The following ICAM3 variants were observed in gnomAD, a reference collection of about 807,000 sequenced individuals.
ICAM3 encodes the protein intercellular adhesion molecule 3.
ICAM3 carries 54 observed loss-of-function variants against 43.6 expected under a neutral mutation model. The ratio of observed to expected loss-of-function variants is 1.24; its 90% CI spans 0.99 to 1.55. ICAM3 has a LOEUF of 1.55. Among genes scored for constraint, ICAM3 ranks in the 40% most tolerant of loss-of-function variants. The probability of loss-of-function intolerance (pLI) is 0.00; values close to 1 mark genes in which losing one functional copy is unlikely to be tolerated. For missense variants in ICAM3, 715 were observed against 717.9 expected (o/e 1.00, Z 0.05); for synonymous variants, 306 against 312.6 (o/e 0.98, Z 0.22).
chr19:10,335,448 C>T lies in ICAM3; in HGVS notation c.650-95G>A. ...AGTCAGGATATCTTGCTGACTGGGT[C>T]ACCCTTCTTCACAGGACACACACAC... On this transcript the variant is annotated intron_variant, in intron 3 of 6. Transcript: ENST00000160262. The T allele has an allele frequency of 4.1e-6, 5 of 1,233,832 alleles. No homozygotes were observed. In the South Asian group the frequency reaches 4.4e-5, roughly 11 times the overall value. The allele number at this position is 1,233,832 out of a possible 1,614,324, so 76.4% of individuals were successfully genotyped here.
chr19:10,335,468 A>G, intron 3 of ICAM3, 115 bp from the exon 4 acceptor site: 1 of 1,152,470 alleles, frequency 8.7e-7, no homozygotes, highest in Non-Finnish European at 1.2e-6. Context: ...CACAGGACAC[A>G]CACACAGGGC....
Position 10,334,118 on chromosome 19 carries a change from C to A in ICAM3, c.1441+42G>T. 6.2e-7 allele frequency: 1 copy of A among 1,607,764 alleles called. No homozygotes were observed. The highest frequency in any genetic ancestry group is 1.1e-5 in the South Asian group (1 of 90,914). On this transcript the variant is annotated intron_variant, in intron 6 of 6. Coordinates refer to ENST00000160262, the MANE Select transcript of ICAM3 (RefSeq NM_002162.5). The surrounding 1 kb of genome is among the most constrained non-coding windows in gnomAD (Gnocchi z 5.5). ...CCTTCTGTCTCCAACCCCCCCGCCC[C>A]CCGGCTTACCGGTCCAGACCCGCAG...
chr19:10,338,606 C>T, intron 2 of ICAM3, 76 bp downstream of exon 2: 2 of 1,415,744 alleles, frequency 1.4e-6, no homozygotes, highest in South Asian at 2.4e-5. Context: ...CTGAGGGTCC[C>T]CACTCTCCTG....
chr19:10,339,510 C>A, intron 1 of ICAM3, 29 bp downstream of exon 1: 2 of 1,607,884 alleles, frequency 1.2e-6, no homozygotes, highest in Non-Finnish European at 1.7e-6. Flanking sequence ...GCAGCCCTCT[C>A]CAGCCCTCCC....
At position 10,334,022 on chromosome 19, in the gene ICAM3, C is replaced by CA; in HGVS notation, c.1478dup (p.Leu494ValfsTer29). On this transcript the variant is annotated frameshift_variant, in exon 7 of 7. Coordinates refer to ENST00000160262, the MANE Select transcript of ICAM3 (RefSeq NM_002162.5). LOFTEE classifies it low-confidence loss of function (END_TRUNC). The surrounding 1 kb of genome is among the most constrained non-coding windows in gnomAD (Gnocchi z 5.5). ...TAGTCACCACGCCCAGGGTCAGTAA[C>CA]ACCGCCACGAAGACGGGGACAAAGT... The CA allele has an allele frequency of 4.3e-6, 7 of 1,614,116 alleles. No homozygotes were observed. The highest frequency in any genetic ancestry group is 5.1e-6 in the Non-Finnish European group (6 of 1,180,018).
rs1273537083 is a variant in ICAM3 at position 10,333,908 on chromosome 19, C to T, written c.1593G>A (p.Thr531=). The stretch of plus-strand genomic sequence containing the variant: ...CCATTGCTTCTGTCGGCTGCATAGA[C>T]GTGAGGGGCAGATAGGTGCTCTCCT... ...VREESTYLPL[T]SMQPTEAMGE... is the part of the protein sequence containing the mutation. Residue 531 remains threonine (T), a synonymous_variant, in exon 7 of 7, where the codon ACG becomes ACA. Coordinates refer to ENST00000160262, the MANE Select transcript of ICAM3 (RefSeq NM_002162.5). This position sits in a 1 kb window ranked among gnomAD's most constrained non-coding sequence, Gnocchi z 4.2. 6.2e-7 allele frequency: 1 copy of T among 1,614,032 alleles called. No homozygotes were observed.
rs759049839 is a variant in ICAM3, at chr19:10,335,250, C to T, written c.753G>A (p.Glu251=). The T allele has an allele frequency of 3.1e-6, 5 of 1,613,764 alleles. No homozygotes were observed. In the South Asian group the frequency reaches 4.4e-5, roughly 14 times the overall value. Residue 251 remains glutamate, a synonymous_variant, in exon 4 of 7, where the codon GAG becomes GAA. Coordinates refer to ENST00000160262, the MANE Select transcript of ICAM3 (RefSeq NM_002162.5). ...CCCCCAGCGCCAGGTAGACCTGGGC[C>T]TCTGAGGCTGGAAAAAGCCCGTCTA... ...CTLDGLFPAS[E]AQVYLALGDQ... is the part of the protein sequence containing the mutation.
intron 2 of ICAM3, among the ~76,000 whole-genome samples, chr19:10,338,092 C>T (rs1157332042): frequency 7.2e-6 from 1 of 139,432 alleles, no homozygotes; most frequent in Non-Finnish European, 1.6e-5. Context: ...GTAAGAGACG[C>T]CATCTCAAAA....
intron 2 of ICAM3, 142 bp from the exon 3 acceptor site, chr19:10,336,118 G>A (rs1177206726): frequency 2.8e-6 from 2 of 714,670 alleles, no homozygotes; most frequent in Non-Finnish European, 2.3e-6. Flanking sequence ...AGCTGGGCCA[G>A]TCGAAGCGTT....
chr19:10,334,611 C>A lies in ICAM3; in HGVS notation c.1109G>T (p.Gly370Val). 6.2e-7 allele frequency: 1 copy of A among 1,613,750 alleles called. No individual in the cohort carries two copies. Among genetic ancestry groups the A allele is most frequent in the Non-Finnish European group, 8.5e-7 (1 of 1,180,026 alleles). The change falls in exon 5 of 7, where the codon GGA becomes GTA. Residue 370 changes from glycine (G) to valine (V), a missense_variant. By Grantham distance (109) the Gly-to-Val change is moderately radical. Transcript: ENST00000160262. This position sits in a 1 kb window ranked among gnomAD's most constrained non-coding sequence, Gnocchi z 5.5. ...AGTGGCACTGCAGAAGAAGCTGCGT[C>A]CGTCGTCACTCTCGGTAGCATTTAG... ...LQLNATESDD[G>V]RSFFCSATLE... is the part of the protein sequence containing the mutation.
At chr19:10,335,527 G>A in intron 3 of ICAM3, 144 bp downstream of exon 3, 1 of 1,124,344 alleles carries the variant, frequency 8.9e-7, no homozygotes, top group Non-Finnish European at 1.2e-6. Context: ...CCTCCCTTCC[G>A]GGGCCACCTT....
Position 10,335,159 on chromosome 19 carries a change from C to A in ICAM3, c.844G>T (p.Ala282Ser). Residue 282 changes from alanine to serine, a missense_variant, in exon 4 of 7, where the codon GCG becomes TCG. Coordinates refer to ENST00000160262, the MANE Select transcript of ICAM3 (RefSeq NM_002162.5). ...DTLTATATAT[A>S]RADQEGAREI... ...CGGGCACCCTCCTGATCCGCGCGCG[C>A]CGTGGCTGTGGCTGTGGCCGTTAGC... 6.2e-7 allele frequency: 1 copy of A among 1,613,766 alleles called. No homozygotes were observed. Among genetic ancestry groups the A allele is most frequent in the South Asian group, 1.1e-5 (1 of 91,090 alleles).
chr19:10,336,598 G>T (rs2040600365), intron 2 of ICAM3, among the ~76,000 whole-genome samples: 1 of 152,008 alleles, frequency 6.6e-6, no homozygotes, highest in African/African-American at 2.4e-5. Flanking sequence ...CTGAGACCAG[G>T]AGTTCAAGAC....
chr19:10,336,479 A>G (rs957971383), intron 2 of ICAM3, among the ~76,000 whole-genome samples: 6 of 152,102 alleles, frequency 3.9e-5, no homozygotes, highest in African/African-American at 1.2e-4. Flanking sequence ...TGACACTCCC[A>G]GGCTGGGTGC....
In ICAM3 at chr19:10,334,970, G is replaced by A; in HGVS notation, c.937+96C>T. 1 of 1,514,212 alleles carries A rather than the reference G, an allele frequency of 6.6e-7. No individual in the cohort carries two copies. Among genetic ancestry groups the A allele is most frequent in the Non-Finnish European group, 8.9e-7 (1 of 1,121,842 alleles). The allele number at this position is 1,514,212 out of a possible 1,614,324, so 93.8% of individuals were successfully genotyped here. On this transcript the variant is annotated intron_variant, in intron 4 of 6. Coordinates refer to ENST00000160262, the MANE Select transcript of ICAM3 (RefSeq NM_002162.5). This position sits in a 1 kb window ranked among gnomAD's most constrained non-coding sequence, Gnocchi z 5.5. ...CCAACCCACGTTGCAACTGCTATTG[G>A]GGCAAGCCAGGCCCCACCTTTTCGG...
At position 10,338,891 on chromosome 19, in the gene ICAM3, G is replaced by A. The variant is rs2040626145; in HGVS notation, c.134C>T (p.Ala45Val). The change falls in exon 2 of 7, where the codon GCT (alanine) becomes GTT (valine). Residue 45 changes from alanine to valine, a missense_variant. By Grantham distance (64) the Ala-to-Val change is moderately conservative (BLOSUM62 0). Transcript: ENST00000160262. ...RVEPQNPVLS[A>V]GGSLFVNCST... ...GCAGTTCACAAACAGGGACCCTCCA[G>A]CAGAGAGCACAGGGTTCTGGGGCTC... The A allele has an allele frequency of 1.2e-6, 2 of 1,614,000 alleles. No homozygotes were observed. The highest frequency in any genetic ancestry group is 1.7e-5 in the Admixed American group (1 of 59,988).
rs1599310141 is a variant in ICAM3, at chr19:10,334,612, C to T, written c.1108G>A (p.Gly370Arg). Residue 370 changes from glycine (G) to arginine (R), a missense_variant, in exon 5 of 7, where the codon GGA becomes AGA. Physicochemically the swap from Gly to Arg is moderately radical, Grantham distance 125. Transcript: ENST00000160262. This position sits in a 1 kb window ranked among gnomAD's most constrained non-coding sequence, Gnocchi z 5.5. ...GTGGCACTGCAGAAGAAGCTGCGTC[C>T]GTCGTCACTCTCGGTAGCATTTAGC... ...LQLNATESDD[G>R]RSFFCSATLE... 6 of 1,613,720 alleles carry T rather than the reference C, an allele frequency of 3.7e-6. No individual in the cohort carries two copies. The highest frequency in any genetic ancestry group is 1.7e-4 in the Middle Eastern group (1 of 6,060).
intron 1 of ICAM3, 124 bp downstream of exon 1, chr19:10,339,415 T>C: frequency 1.2e-6 from 1 of 816,672 alleles, no homozygotes; most frequent in Admixed American, 2.4e-5. Flanking sequence ...CTCCCGAGGA[T>C]ACAGAGTCAG....
chr19:10,337,416 CAAAAAAA>C (rs1227458863), intron 2 of ICAM3, among the ~76,000 whole-genome samples: 1 of 74,254 alleles, frequency 1.3e-5, no homozygotes, highest in South Asian at 4.8e-4. Context: ...GACTCTGTCT[CAAAAAAA>C]AAAAAAAAGA....
Sources: allele counts gnomAD v4.1 joint callset (sites outside exome capture counted in the v4.1 genomes callset), GRCh38; gene constraint gnomAD v4.1.1; non-coding constraint Gnocchi (gnomAD v3.1); transcripts MANE v1.5; gene names NCBI Gene and HGNC (gene_info 2026-07-23, HGNC 2026-07-21).